KCNT2: variants seen among roughly 807,000 people sequenced by gnomAD.
KCNT2 encodes the protein potassium channel subfamily T member 2.
A neutral mutation model predicts 153.8 loss-of-function variants in KCNT2; 67 were observed. The observed-to-expected ratio is 0.44, with a 90% CI of 0.36 to 0.53. KCNT2 has a LOEUF of 0.53. KCNT2 is among the 20% of genes least tolerant of loss of function. The pLI, the probability that KCNT2 is intolerant of heterozygous loss-of-function variation, is 0.00. For synonymous variants in KCNT2, 500 were observed against 458.8 expected (o/e 1.09, Z -1.15); for missense variants, 975 against 1,354.8 (o/e 0.72, Z 4.40).
At chr1:196,550,572 C>A (rs1657761292) in intron 1 of KCNT2, among the ~76,000 whole-genome samples, 2 of 151,746 alleles carry the variant, frequency 1.3e-5, no homozygotes, top group South Asian at 4.1e-4. Flanking sequence ...ATACAGGAAA[C>A]CATTTAGGAT....
At chr1:196,446,737 G>C (rs769078077) in intron 8 of KCNT2, among the ~76,000 whole-genome samples, 1 of 151,440 alleles carries the variant, frequency 6.6e-6, no homozygotes, top group South Asian at 2.1e-4. Context: ...TTAAAACCTA[G>C]TGAACTAAAC....
intron 22 of KCNT2, among the ~76,000 whole-genome samples, chr1:196,286,786 TC>T (rs1390577103): frequency 6.6e-5 from 10 of 152,104 alleles, no homozygotes; most frequent in Admixed American, 1.3e-4. Flanking sequence ...AGAGCAAATG[TC>T]AAATTTGTTT....
At chr1:196,335,513 T>A (rs1342795715) in intron 16 of KCNT2, among the ~76,000 whole-genome samples, 3 of 152,124 alleles carry the variant, frequency 2.0e-5, no homozygotes, top group African/African-American at 7.2e-5. Flanking sequence ...AATCTCAATA[T>A]AGAAAACATA....
intron 19 of KCNT2, among the ~76,000 whole-genome samples, chr1:196,320,646 GTT>G (rs1185270930): frequency 5.3e-5 from 8 of 150,670 alleles, no homozygotes; most frequent in Non-Finnish European, 1.2e-4. Flanking sequence ...TTTCTCTCCT[GTT>G]GGTCATCCTT....
intron 12 of KCNT2, among the ~76,000 whole-genome samples, chr1:196,415,237 G>T (rs967778668): frequency 2.0e-5 from 3 of 151,828 alleles, no homozygotes; most frequent in African/African-American, 7.2e-5. Context: ...GGGAATCAAA[G>T]AGCAAAGATT....
At chr1:196,485,461 CTT>C (rs1431287013) in intron 3 of KCNT2, among the ~76,000 whole-genome samples, 1 of 151,936 alleles carries the variant, frequency 6.6e-6, no homozygotes, top group Non-Finnish European at 1.5e-5. Context: ...ATACAATCAA[CTT>C]CGTATTTTTA....
chr1:196,465,064 C>T (rs951518675), intron 8 of KCNT2, among the ~76,000 whole-genome samples: 1 of 151,882 alleles, frequency 6.6e-6, no homozygotes, highest in Non-Finnish European at 1.5e-5. Context: ...TGGTAAAATG[C>T]CAGAGTTGCA....
At chr1:196,416,663 G>A (rs904447303) in intron 12 of KCNT2, among the ~76,000 whole-genome samples, 1 of 151,964 alleles carries the variant, frequency 6.6e-6, no homozygotes, top group African/African-American at 2.4e-5. Flanking sequence ...TTCTTCTCCT[G>A]ATTCATAAGT....
chr1:196,342,039 C>T (rs1572102057), intron 15 of KCNT2, 40 bp downstream of exon 15: 2 of 1,586,886 alleles, frequency 1.3e-6, no homozygotes, highest in South Asian at 1.2e-5. Context: ...ATATGCTTGA[C>T]TGATTGATAT....
intron 21 of KCNT2, among the ~76,000 whole-genome samples, chr1:196,309,939 A>G (rs895346802): frequency 9.9e-5 from 15 of 151,912 alleles, no homozygotes; most frequent in Non-Finnish European, 1.8e-4. Flanking sequence ...GTTCTGACTC[A>G]GTGATGTAAA....
intron 22 of KCNT2, among the ~76,000 whole-genome samples, chr1:196,287,368 G>C (rs12058062): frequency 6.6e-6 from 1 of 151,770 alleles, no homozygotes; most frequent in Non-Finnish European, 1.5e-5. Flanking sequence ...TGATATGTTA[G>C]ACCCAAATTA....
rs1188884791 is a variant in KCNT2, at chr1:196,558,525, G to T, written c.95+49690C>A. 4.0e-5 allele frequency among the ~76,000 whole-genome samples: 6 copies of T among 151,242 alleles called. No homozygotes were observed. The Admixed American group carries it at 4.0e-4, about 10-fold the overall frequency. ...ATATTTTCACAACCAGTGCAACAAG[G>T]CAATTATTATGTAATTTACAAGAAT... On this transcript the variant is annotated intron_variant, in intron 1 of 27. Coordinates refer to ENST00000294725, the MANE Select transcript of KCNT2 (RefSeq NM_198503.5).
chr1:196,424,521 G>T (rs892218596), intron 11 of KCNT2, among the ~76,000 whole-genome samples: 3 of 151,880 alleles, frequency 2.0e-5, no homozygotes, highest in African/African-American at 7.2e-5. Flanking sequence ...TACCTGAGGT[G>T]CTGGGAAAAT....
chr1:196,468,177 C>G (rs1433207342), intron 6 of KCNT2, among the ~76,000 whole-genome samples: 1 of 152,018 alleles, frequency 6.6e-6, no homozygotes, highest in Non-Finnish European at 1.5e-5. Flanking sequence ...CTCTTACTCT[C>G]TTTATGTTAA....
At chr1:196,562,003 T>A (rs1659477934) in intron 1 of KCNT2, among the ~76,000 whole-genome samples, 1 of 151,838 alleles carries the variant, frequency 6.6e-6, no homozygotes, top group African/African-American at 2.4e-5. Context: ...AGGTTCTTAA[T>A]ATGCAGATGA....
At chr1:196,498,863 A>G (rs950853901) in intron 1 of KCNT2, among the ~76,000 whole-genome samples, 1 of 152,184 alleles carries the variant, frequency 6.6e-6, no homozygotes, top group African/African-American at 2.4e-5. Context: ...TATTTTTTCT[A>G]AGGTCATTGT....
intron 8 of KCNT2, among the ~76,000 whole-genome samples, chr1:196,441,014 G>A (rs1008198037): frequency 1.3e-5 from 2 of 151,752 alleles, no homozygotes; most frequent in Non-Finnish European, 2.9e-5. Flanking sequence ...TCAGAAAGAA[G>A]CTGGGAGAAG....
chr1:196,571,341 A>G (rs1021090705), intron 1 of KCNT2, among the ~76,000 whole-genome samples: 2 of 152,084 alleles, frequency 1.3e-5, no homozygotes, highest in African/African-American at 4.8e-5. Flanking sequence ...TGTGCCCAAG[A>G]TATTCTAAAG....
At chr1:196,259,200 A>G (rs1197531380) in intron 25 of KCNT2, among the ~76,000 whole-genome samples, 4 of 152,160 alleles carry the variant, frequency 2.6e-5, no homozygotes, top group Non-Finnish European at 4.4e-5. Flanking sequence ...ATTACAACTC[A>G]GACTTAAAAC....
Sources: allele counts gnomAD v4.1 joint callset (sites outside exome capture counted in the v4.1 genomes callset), GRCh38; gene constraint gnomAD v4.1.1; transcripts MANE v1.5; gene names NCBI Gene and HGNC (gene_info 2026-07-23, HGNC 2026-07-21).